The following ATP8A2 variants were observed in gnomAD, a reference collection of about 807,000 sequenced individuals.
ATP8A2 encodes phospholipid-transporting ATPase IB.
Under a neutral mutation model 165.6 loss-of-function variants are expected in ATP8A2, and 100 were observed. That is an observed-to-expected ratio of 0.60 (90% CI 0.51 to 0.71). ATP8A2 has a LOEUF of 0.71. Ranked by LOEUF, ATP8A2 falls within the 30% of genes least tolerant of loss-of-function variation. The probability of loss-of-function intolerance (pLI) is 0.00; values close to 1 mark genes in which losing one functional copy is unlikely to be tolerated. For synonymous variants in ATP8A2, 543 were observed against 548.8 expected, an observed-to-expected ratio of 0.99 and a Z score of 0.15; for missense variants, 1,227 against 1,479.5, an observed-to-expected ratio of 0.83 and a Z score of 2.80.
At chr13:26,011,059 G>T (rs58244543) in intron 35 of ATP8A2, among the ~76,000 whole-genome samples, 3,650 of 152,186 alleles carry the variant, frequency 0.024, 132 homozygotes, top group African/African-American at 0.076. Context: ...CTGATCGATC[G>T]GGGGCAGGGT....
chr13:25,445,620 T>C (rs1005709861), intron 1 of ATP8A2, among the ~76,000 whole-genome samples: 3 of 152,248 alleles, frequency 2.0e-5, no homozygotes, highest in Non-Finnish European at 2.9e-5. Context: ...CTTACTATGC[T>C]TCTTAAATAG....
intron 28 of ATP8A2, among the ~76,000 whole-genome samples, chr13:25,834,730 A>G (rs1229077724): frequency 6.6e-6 from 1 of 152,202 alleles, no homozygotes; most frequent in South Asian, 2.1e-4. Context: ...GCTGGAATGC[A>G]GTGGTGCAAT....
chr13:25,803,512 C>G (rs545954029), intron 27 of ATP8A2, among the ~76,000 whole-genome samples: 1 of 151,984 alleles, frequency 6.6e-6, no homozygotes, highest in Non-Finnish European at 1.5e-5. Context: ...AAGATGTGGC[C>G]CAGATATAAA....
rs372568200 is a variant in ATP8A2 at position 25,489,612 on chromosome 13, A to G, written c.221+20491A>G. 1.1e-4 allele frequency among the ~76,000 whole-genome samples: 16 copies of G among 152,274 alleles called. No individual in the cohort carries two copies. In the South Asian group the frequency reaches 3.1e-3, roughly 30 times the overall value. ...CCAGCACGACGCACAGTTCCTGCCA[A>G]TGGGAAGTGGAAAACCTTTGCTGAA... On this transcript the variant is annotated intron_variant, in intron 2 of 36. Transcript: ENST00000381655.
intron 26 of ATP8A2, among the ~76,000 whole-genome samples, chr13:25,772,903 G>C (rs960353082): frequency 1.3e-5 from 2 of 151,926 alleles, no homozygotes; most frequent in African/African-American, 4.8e-5. Context: ...GGGATTACAG[G>C]CACCCAACAC....
At position 25,467,281 on chromosome 13, in the gene ATP8A2, G is replaced by A. The variant is rs572111456; in HGVS notation, c.77-1696G>A. Among the ~76,000 whole-genome samples, 8 of 152,262 alleles carry A rather than the reference G, an allele frequency of 5.3e-5. No individual in the cohort carries two copies. The South Asian group carries it at 6.2e-4, about 12-fold the overall frequency. ...TGACCAGGGACCTGGCTTGAGCCCC[G>A]GAGCCTGCACCCACTAGGCGTCCCC... On this transcript the variant is annotated intron_variant, in intron 1 of 36. Coordinates refer to ENST00000381655, the MANE Select transcript of ATP8A2 (RefSeq NM_016529.6).
intron 35 of ATP8A2, among the ~76,000 whole-genome samples, chr13:26,006,229 AC>A (rs888212968): frequency 6.6e-5 from 10 of 151,958 alleles, no homozygotes; most frequent in Admixed American, 6.5e-5. Flanking sequence ...TGAGTGTGGC[AC>A]CTCTTTGGTT....
At chr13:25,595,316 A>T (rs1437556119) in intron 24 of ATP8A2, among the ~76,000 whole-genome samples, 1 of 152,228 alleles carries the variant, frequency 6.6e-6, no homozygotes, top group Admixed American at 6.5e-5. Flanking sequence ...AAGTATGTAC[A>T]GTCACTGATG....
At position 25,738,349 on chromosome 13, in the gene ATP8A2, CCCACA is replaced by C. The variant is rs1169885866; in HGVS notation, c.2385-30695_2385-30691del. On this transcript the variant is annotated intron_variant, in intron 25 of 36. Coordinates refer to ENST00000381655, the MANE Select transcript of ATP8A2 (RefSeq NM_016529.6). ...TCTTTTTGTGCCCCCCTCCCCCCCC[CCCACA>C]CACACTTCTTCTGGTAGTTGCTGTA... Among the ~76,000 whole-genome samples, 24 of 101,874 alleles carry C rather than the reference CCCACA, an allele frequency of 2.4e-4. 1 individual carries two copies. Among genetic ancestry groups the C allele is most frequent in the South Asian group, 6.5e-4 (2 of 3,088 alleles). The allele number at this position is 101,874 out of a possible 152,430, so 66.8% of individuals were successfully genotyped here. A position where few individuals can be genotyped will look rare whatever the true frequency, so the allele number is the denominator to read the frequency against.
chr13:25,890,190 C>T (rs367994201), intron 33 of ATP8A2, among the ~76,000 whole-genome samples: 50 of 151,994 alleles, frequency 3.3e-4, no homozygotes, highest in African/African-American at 1.1e-3. Flanking sequence ...AAAATTTTAC[C>T]GTCTCTCTGG....
At chr13:25,573,358 TA>T (rs5802340) in intron 18 of ATP8A2, among the ~76,000 whole-genome samples, 103,086 of 151,840 alleles carry the variant, frequency 0.68, 36,058 homozygotes, top group Middle Eastern at 0.73. Flanking sequence ...CCTGGTGTTA[TA>T]ATGCTGCATT....
chr13:25,707,997 AG>A lies in ATP8A2; in HGVS notation c.2384+8653del, dbSNP rs2043087926. On this transcript the variant is annotated intron_variant, in intron 25 of 36. Transcript: ENST00000381655. ...ATGGGGACCCTTGTGAGACACCAGA[AG>A]AGCTCACAGACACATGACTTTTCAA... Among the ~76,000 whole-genome samples, 3 of 152,330 alleles carry A rather than the reference AG, an allele frequency of 2.0e-5. No individual in the cohort carries two copies. The East Asian group carries it at 5.8e-4, about 29-fold the overall frequency.
intron 24 of ATP8A2, among the ~76,000 whole-genome samples, chr13:25,659,621 G>C (rs1416530021): frequency 6.6e-6 from 1 of 152,226 alleles, no homozygotes; most frequent in Non-Finnish European, 1.5e-5. Flanking sequence ...TTTCCCAAAA[G>C]CGAGAGAAAA....
chr13:25,735,001 A>G (rs11616364), intron 25 of ATP8A2, among the ~76,000 whole-genome samples: 1 of 151,840 alleles, frequency 6.6e-6, no homozygotes, highest in Non-Finnish European at 1.5e-5. Flanking sequence ...AACAAGCGAT[A>G]AGTTCTATCT....
chr13:25,619,997 A>G (rs1390723185), intron 24 of ATP8A2, among the ~76,000 whole-genome samples: 1 of 152,240 alleles, frequency 6.6e-6, no homozygotes, highest in Non-Finnish European at 1.5e-5. Context: ...TGAGGCATAC[A>G]GAGTAGAATG....
chr13:25,794,820 T>TACACACACACACACACAC (rs3053488), intron 27 of ATP8A2, among the ~76,000 whole-genome samples: 636 of 139,578 alleles, frequency 4.6e-3, no homozygotes, highest in South Asian at 5.8e-3. Flanking sequence ...TTCCCTCTCC[T>TACACACACACACACACAC]ACACACACAC....
chr13:25,539,060 A>AGAGT (rs2038380504), intron 7 of ATP8A2, among the ~76,000 whole-genome samples: 1 of 137,410 alleles, frequency 7.3e-6, no homozygotes, highest in Non-Finnish European at 1.6e-5. Flanking sequence ...TAGAAAATTT[A>AGAGT]GTGTGTGTGT....
intron 1 of ATP8A2, among the ~76,000 whole-genome samples, chr13:25,457,295 A>C (rs2035390185): frequency 6.6e-6 from 1 of 152,214 alleles, no homozygotes; most frequent in African/African-American, 2.4e-5. Flanking sequence ...TAAAAGATTC[A>C]GTTAGTCAAC....
chr13:25,661,892 C>T (rs950802994), intron 24 of ATP8A2, among the ~76,000 whole-genome samples: 5 of 152,162 alleles, frequency 3.3e-5, no homozygotes, highest in African/African-American at 4.8e-5. Flanking sequence ...GTGATTTATA[C>T]ACATGAAATC....
Sources: gnomAD v4.1 joint callset for allele counts (sites outside exome capture counted in the v4.1 genomes callset) on GRCh38, gnomAD v4.1.1 for gene constraint, MANE v1.5 for transcripts, NCBI Gene and HGNC (gene_info 2026-07-23, HGNC 2026-07-21) for gene names.